The following DPCD variants were observed in gnomAD, a reference collection of about 807,000 sequenced individuals.
DPCD encodes the protein protein DPCD.
A neutral mutation model predicts 26.4 loss-of-function variants in DPCD; 20 were observed. The observed-to-expected ratio is 0.76, with a 90% confidence interval of 0.53 to 1.10. The LOEUF is 1.10. Among genes scored for constraint, DPCD ranks in the 50% least tolerant of loss-of-function variants. The pLI is 0.00. For missense variants in DPCD, 202 were observed against 253.9 expected, an observed-to-expected ratio of 0.80 and a Z score of 1.39; for synonymous variants, 97 against 94.2, an observed-to-expected ratio of 1.03 and a Z score of -0.17.
intron 1 of DPCD, among the ~76,000 whole-genome samples, chr10:101,590,611 G>T (rs536474474): frequency 6.8e-6 from 1 of 146,718 alleles, no homozygotes; most frequent in East Asian, 2.0e-4. Flanking sequence ...TAGAGACAGG[G>T]TCTTGCTCTG....
At position 101,605,336 on chromosome 10, in the gene DPCD, G is replaced by A. The variant is rs544907455; in HGVS notation, c.405-3499G>A. The A allele has an allele frequency of 3.5e-6, 5 of 1,415,950 alleles. No individual in the cohort carries two copies. In the South Asian group the frequency reaches 5.6e-5, roughly 16 times the overall value. The allele number at this position is 1,415,950 out of a possible 1,614,324, so 87.7% of individuals were successfully genotyped here. A position where few individuals can be genotyped will look rare whatever the true frequency, so the allele number is the denominator to read the frequency against. On this transcript the variant is annotated intron_variant, in intron 4 of 5. Coordinates refer to ENST00000370151, the MANE Select transcript of DPCD (RefSeq NM_015448.3). ...CTTTTGGGTTGAAAGGCTGGATTGG[G>A]GAGGGGATACAGTAGAGAGTGGTGG... is the stretch of plus-strand genomic sequence containing the variant.
chr10:101,606,809 T>C (rs1214603769), intron 4 of DPCD, among the ~76,000 whole-genome samples: 1 of 152,096 alleles, frequency 6.6e-6, no homozygotes, highest in African/African-American at 2.4e-5. Context: ...AAAAACCCTA[T>C]GTCTGGGGGA....
intron 4 of DPCD, among the ~76,000 whole-genome samples, chr10:101,605,750 G>A (rs971765150): frequency 1.3e-5 from 2 of 152,096 alleles, no homozygotes; most frequent in Non-Finnish European, 2.9e-5. Context: ...CCCATCATTG[G>A]ACAAATGCAA....
Position 101,588,776 on chromosome 10 carries a change from G to T in DPCD, c.64+376G>T, listed in dbSNP as rs553234988. On this transcript the variant is annotated intron_variant, in intron 1 of 5. Transcript: ENST00000370151. The stretch of plus-strand genomic sequence containing the variant: ...AGACTTTAGAGAGGAGAGAGGCCTG[G>T]GCTCTAGTTCCGACTGTGCCATTAA... 4.1e-6 allele frequency: 3 copies of T among 731,246 alleles called. No homozygotes were observed. The South Asian group carries it at 1.9e-4, about 45-fold the overall frequency. 45.3% of individuals were successfully genotyped at this position (731,246 alleles called of 1,614,324 possible).
rs996091942 is a variant in DPCD, at chr10:101,603,399, G to C, written c.404+2063G>C. Among the ~76,000 whole-genome samples, 1 of 152,012 alleles carries C rather than the reference G, an allele frequency of 6.6e-6. No individual in the cohort carries two copies. The highest frequency in any genetic ancestry group is 1.5e-5 in the Non-Finnish European group (1 of 67,998). ...GAAGGGAGAGATTTATTTCTCATCA[G>C]GGGTTACAGCCTGCATAGACATTCT... On this transcript the variant is annotated intron_variant, in intron 4 of 5. Transcript: ENST00000370151. The surrounding 1 kb of genome is among the most constrained non-coding windows in gnomAD (Gnocchi z 4.6).
At chr10:101,588,489 C>G (rs1247909705) in intron 1 of DPCD, 89 bp downstream of exon 1, 2 of 1,524,512 alleles carry the variant, frequency 1.3e-6, no homozygotes, top group South Asian at 2.4e-5. Flanking sequence ...GTCGGCAGAG[C>G]TGGAAGGGTC....
rs551658020 is a variant in DPCD at position 101,588,616 on chromosome 10, G to T, written c.64+216G>T. ...CCCTTAGATTCCTCTACACCATCTC[G>T]CTCCGCTCTGATTTCTGTTGCTAAT... On this transcript the variant is annotated intron_variant, in intron 1 of 5. Transcript: ENST00000370151. 8 of 1,378,030 alleles carry T rather than the reference G, an allele frequency of 5.8e-6. No homozygotes were observed. In the African/African-American group the frequency reaches 7.3e-5, roughly 13 times the overall value. 85.4% of individuals were successfully genotyped at this position (1,378,030 alleles called of 1,614,324 possible).
intron 4 of DPCD, chr10:101,605,287 T>G: frequency 6.5e-7 from 1 of 1,533,152 alleles, no homozygotes; most frequent in Admixed American, 2.0e-5. Flanking sequence ...TCTCTCTCCC[T>G]CTGAGGGCCT....
intron 1 of DPCD, among the ~76,000 whole-genome samples, chr10:101,589,879 CTG>C (rs781653031): frequency 6.6e-6 from 1 of 151,900 alleles, no homozygotes; most frequent in South Asian, 2.1e-4. Context: ...GTGAGTGAGA[CTG>C]TGTCTCAGAC....
At chr10:101,605,892 C>CT (rs1480994365) in intron 4 of DPCD, among the ~76,000 whole-genome samples, 1 of 152,218 alleles carries the variant, frequency 6.6e-6, no homozygotes, top group Non-Finnish European at 1.5e-5. Flanking sequence ...GGCAAGATAT[C>CT]TAACTTTTCT....
intron 5 of DPCD, 153 bp downstream of exon 5, chr10:101,609,090 A>G: frequency 1.4e-6 from 1 of 715,262 alleles, no homozygotes; most frequent in Non-Finnish European, 2.4e-6. Context: ...CATGGGGGAG[A>G]GCAGGGAGGG....
In DPCD at chr10:101,603,696, G is replaced by T. The variant is rs1465445990; in HGVS notation, c.404+2360G>T. ...CGCTTGAACCCAGGAGGTAGAGGTT[G>T]CAGTGAGCCAAGATCATGCCATTGC... On this transcript the variant is annotated intron_variant, in intron 4 of 5. Transcript: ENST00000370151. This position sits in a 1 kb window ranked among gnomAD's most constrained non-coding sequence, Gnocchi z 4.6. Among the ~76,000 whole-genome samples the T allele has an allele frequency of 1.3e-5, 2 of 151,502 alleles. No individual in the cohort carries two copies. Among genetic ancestry groups the T allele is most frequent in the African/African-American group, 4.9e-5 (2 of 41,174 alleles).
intron 1 of DPCD, among the ~76,000 whole-genome samples, chr10:101,591,995 T>C (rs562449458): frequency 6.6e-6 from 1 of 152,008 alleles, no homozygotes; most frequent in Non-Finnish European, 1.5e-5. Flanking sequence ...CCATAATTTA[T>C]ATTTTTATAC....
At chr10:101,608,545 C>T (rs2063748354) in intron 4 of DPCD, among the ~76,000 whole-genome samples, 1 of 152,202 alleles carries the variant, frequency 6.6e-6, no homozygotes, top group Non-Finnish European at 1.5e-5. Flanking sequence ...TTCTGCCTGT[C>T]TTTGGGAGAC....
intron 4 of DPCD, among the ~76,000 whole-genome samples, chr10:101,607,754 C>G (rs2063743129): frequency 6.6e-6 from 1 of 152,186 alleles, no homozygotes; most frequent in Non-Finnish European, 1.5e-5. Flanking sequence ...GAGGTGTTTC[C>G]CTTCACAGCC....
At chr10:101,595,017 T>G (rs927964294) in intron 2 of DPCD, among the ~76,000 whole-genome samples, 9 of 152,130 alleles carry the variant, frequency 5.9e-5, no homozygotes, top group Non-Finnish European at 1.0e-4. Flanking sequence ...GGAAAAAACT[T>G]TACAGAGGAG....
At chr10:101,593,850 G>T (rs902589690) in intron 1 of DPCD, among the ~76,000 whole-genome samples, 1 of 152,122 alleles carries the variant, frequency 6.6e-6, no homozygotes, top group African/African-American at 2.4e-5. Flanking sequence ...TTCTTTCAAC[G>T]GATAGTGCAT....
intron 2 of DPCD, among the ~76,000 whole-genome samples, chr10:101,598,462 A>G (rs934873186): frequency 3.3e-5 from 5 of 152,186 alleles, no homozygotes; most frequent in Admixed American, 3.3e-4. Context: ...CCTGGAGTTT[A>G]GCCGTGGCAT....
rs1272235989 is a variant in DPCD at position 101,596,780 on chromosome 10, A to T, written c.145+2042A>T. On this transcript the variant is annotated intron_variant, in intron 2 of 5. Coordinates refer to ENST00000370151, the MANE Select transcript of DPCD (RefSeq NM_015448.3). ...GGGTTGAGCTGGCTTTTGCTTGTGC[A>T]TTCTATGAAGTAAAGTAGGGACATG... 1.3e-5 allele frequency: 2 copies of T among 151,890 alleles called. 1 individual carries two copies. The highest frequency in any genetic ancestry group is 4.9e-5 in the African/African-American group (2 of 41,150). 9.4% of individuals were successfully genotyped at this position (151,890 alleles called of 1,614,324 possible).
Sources: gnomAD v4.1 joint callset for allele counts (sites outside exome capture counted in the v4.1 genomes callset) on GRCh38, gnomAD v4.1.1 for gene constraint, Gnocchi (gnomAD v3.1) non-coding constraint, MANE v1.5 for transcripts, NCBI Gene and HGNC (gene_info 2026-07-23, HGNC 2026-07-21) for gene names.